The following RAP1GAP2 variants were observed in gnomAD, a reference collection of about 807,000 sequenced individuals.
RAP1GAP2 encodes RAP1 GTPase activating protein 2.
Under a neutral mutation model 95.0 loss-of-function variants are expected in RAP1GAP2, and 27 were observed. The ratio of observed to expected loss-of-function variants is 0.28; its 90% CI spans 0.21 to 0.39. The LOEUF (loss-of-function observed/expected upper bound fraction) is 0.39. RAP1GAP2 is among the 10% of genes least tolerant of loss of function. The probability of loss-of-function intolerance (pLI) is 1.00; values close to 1 mark genes in which losing one functional copy is unlikely to be tolerated. For missense variants in RAP1GAP2, 771 were observed against 970.0 expected, an observed-to-expected ratio of 0.79 and a Z score of 2.72; for synonymous variants, 373 against 380.9, an observed-to-expected ratio of 0.98 and a Z score of 0.24.
At chr17:2,949,843 A>G (rs2043848631) in intron 3 of RAP1GAP2, among the ~76,000 whole-genome samples, 1 of 152,144 alleles carries the variant, frequency 6.6e-6, no homozygotes, top group Non-Finnish European at 1.5e-5. Context: ...GTCCCATTGG[A>G]AAGTGCAGCA....
At chr17:2,933,822 TG>T (rs201459483) in intron 3 of RAP1GAP2, among the ~76,000 whole-genome samples, 1 of 152,244 alleles carries the variant, frequency 6.6e-6, no homozygotes. Context: ...GGGGGAAGAC[TG>T]GAAGTTTCAG....
intron 2 of RAP1GAP2, among the ~76,000 whole-genome samples, chr17:2,874,245 C>T (rs534784262): frequency 1.3e-5 from 2 of 152,320 alleles, no homozygotes; most frequent in Admixed American, 1.3e-4. Context: ...CACCCTCCCT[C>T]CCCTTTCTCC....
At chr17:2,759,507 A>G (rs1238861418) in intron 1 of RAP1GAP2, among the ~76,000 whole-genome samples, 2 of 151,982 alleles carry the variant, frequency 1.3e-5, no homozygotes, top group African/African-American at 2.4e-5. Flanking sequence ...CTGGAGTGCA[A>G]TGGTACAACC....
rs1408872879 is a variant in RAP1GAP2, at chr17:2,857,591, G to A, written c.81-47693G>A. ...CAGGGTTTCTGGCACATGGGATCCTGTAAAAGCAGTGGCGTGTCTGAGAGG... is the reference window on the plus strand; with the variant it reads ...CAGGGTTTCTGGCACATGGGATCCTATAAAAGCAGTGGCGTGTCTGAGAGG... On this transcript the variant is annotated intron_variant, in intron 2 of 24. Coordinates refer to ENST00000254695, the MANE Select transcript of RAP1GAP2 (RefSeq NM_015085.5). The surrounding 1 kb of genome is among the most constrained non-coding windows in gnomAD (Gnocchi z 4.0). Among the ~76,000 whole-genome samples the A allele has an allele frequency of 3.9e-5, 6 of 152,194 alleles. No homozygotes were observed. Among genetic ancestry groups the A allele is most frequent in the Admixed American group, 3.9e-4 (6 of 15,286 alleles).
chr17:2,758,013 G>T (rs1306264512), intron 1 of RAP1GAP2, among the ~76,000 whole-genome samples: 1 of 151,916 alleles, frequency 6.6e-6, no homozygotes, highest in Non-Finnish European at 1.5e-5. Flanking sequence ...GGGACTACAG[G>T]TGCCCGCCAC....
rs897589056 is a variant in RAP1GAP2, at chr17:2,904,281, G to A, written c.81-1003G>A. Among the ~76,000 whole-genome samples the A allele has an allele frequency of 1.3e-5, 2 of 152,124 alleles. No individual in the cohort carries two copies. Among genetic ancestry groups the A allele is most frequent in the African/African-American group, 2.4e-5 (1 of 41,436 alleles). ...CTGTTGTGCAGCCGTGGCTCTGAAGGCTGATCCCATGCCAAACCGTCTGCT... is the reference window on the plus strand; with the variant it reads ...CTGTTGTGCAGCCGTGGCTCTGAAGACTGATCCCATGCCAAACCGTCTGCT... On this transcript the variant is annotated intron_variant, in intron 2 of 24. Transcript: ENST00000254695. The surrounding 1 kb of genome is among the most constrained non-coding windows in gnomAD (Gnocchi z 4.7).
chr17:2,964,074 G>C lies in RAP1GAP2; in HGVS notation c.492+6G>C. On this transcript the variant is annotated splice_donor_region_variant and intron_variant, in intron 7 of 24. Coordinates refer to ENST00000254695, the MANE Select transcript of RAP1GAP2 (RefSeq NM_015085.5). ...GGAGGCACTTCCTGGGGAAGGTGAG[G>C]CTGGGGGAGAGGAGCTGCTGGGGGT... 1 of 1,606,678 alleles carries C rather than the reference G, an allele frequency of 6.2e-7. No homozygotes were observed. The highest frequency in any genetic ancestry group is 1.1e-5 in the South Asian group (1 of 90,492).
intron 5 of RAP1GAP2, chr17:2,962,995 G>A: frequency 1.8e-6 from 1 of 546,370 alleles, no homozygotes; most frequent in Non-Finnish European, 3.2e-6. Context: ...TCCCTACCCT[G>A]TGCAGTGTGT....
At chr17:2,932,688 C>A (rs1038165294) in intron 3 of RAP1GAP2, among the ~76,000 whole-genome samples, 3 of 149,496 alleles carry the variant, frequency 2.0e-5, no homozygotes, top group Non-Finnish European at 3.0e-5. Context: ...TGGTGGCGGG[C>A]GCCTGTAATC....
chr17:2,800,677 C>A, intron 2 of RAP1GAP2, 127 bp downstream of exon 2: 2 of 1,005,728 alleles, frequency 2.0e-6, no homozygotes, highest in Non-Finnish European at 3.0e-6. Context: ...CAGTCCGAGT[C>A]CATGGTGCTT....
intron 4 of RAP1GAP2, among the ~76,000 whole-genome samples, chr17:2,960,867 A>G (rs2151480507): frequency 6.6e-6 from 1 of 152,258 alleles, no homozygotes; most frequent in Admixed American, 6.5e-5. Context: ...AGTCTTGGAA[A>G]CACCACGTGT....
chr17:3,011,455 T>A (rs2046540454), intron 17 of RAP1GAP2, among the ~76,000 whole-genome samples: 1 of 150,262 alleles, frequency 6.7e-6, no homozygotes, highest in African/African-American at 2.5e-5. Context: ...AGTTTTGGTA[T>A]TTTTTTTTCC....
At chr17:2,776,650 G>C (rs952348308), upstream of RAP1GAP2, among the ~76,000 whole-genome samples, 11 of 151,274 alleles carry the variant, frequency 7.3e-5, no homozygotes, top group Admixed American at 5.9e-4. Context: ...GCGGGAGCAC[G>C]AGGACCCCGG....
Position 3,018,106 on chromosome 17 carries a change from G to T in RAP1GAP2, c.1540G>T (p.Gly514Cys). 3 of 1,591,596 alleles carry T rather than the reference G, an allele frequency of 1.9e-6. No homozygotes were observed. The highest frequency in any genetic ancestry group is 1.7e-4 in the Middle Eastern group (1 of 6,020). ...RSHSMETMVG[G>C]QKKSHSGGIP... ...CCACTCCATGGAGACCATGGTGGGC[G>T]GCCAGAAGAAGTCGCACAGTGGGGG... is the stretch of plus-strand genomic sequence containing the variant. The change falls in exon 18 of 25, where the codon GGC becomes TGC. Residue 514 changes from glycine (G) to cysteine (C), a missense_variant. Gly to Cys is a radical substitution (Grantham distance 159). Coordinates refer to ENST00000254695, the MANE Select transcript of RAP1GAP2 (RefSeq NM_015085.5).
rs141112860 is a variant in RAP1GAP2 at position 2,893,310 on chromosome 17, G to C, written c.81-11974G>C. Among the ~76,000 whole-genome samples the C allele has an allele frequency of 9.6e-3, 1,456 of 152,218 alleles. 23 individuals carry two copies. Among genetic ancestry groups the C allele is most frequent in the African/African-American group, 0.032 (1,329 of 41,524 alleles). On this transcript the variant is annotated intron_variant, in intron 2 of 24. Coordinates refer to ENST00000254695, the MANE Select transcript of RAP1GAP2 (RefSeq NM_015085.5). ...CCTGCCTCAGTCTCCCAAAGTGCTG[G>C]GATTACAGGCGTGAGCCACCGCACC...
chr17:2,839,680 C>T (rs1446439709), intron 2 of RAP1GAP2, among the ~76,000 whole-genome samples: 2 of 152,168 alleles, frequency 1.3e-5, no homozygotes, highest in Non-Finnish European at 2.9e-5. Context: ...GCCCTGACAG[C>T]TTTGAGGCGT....
chr17:2,902,091 G>A lies in RAP1GAP2; in HGVS notation c.81-3193G>A, dbSNP rs989189507. On this transcript the variant is annotated intron_variant, in intron 2 of 24. Transcript: ENST00000254695. This position sits in a 1 kb window ranked among gnomAD's most constrained non-coding sequence, Gnocchi z 4.1. ...AGGCTCTAGGGAAGAATCCTTCCTC[G>A]CCTCTTCTAGCCTCTGGCGGGGTCG... is the stretch of plus-strand genomic sequence containing the variant. 2.6e-5 allele frequency among the ~76,000 whole-genome samples: 4 copies of A among 152,220 alleles called. No homozygotes were observed. The East Asian group carries it at 5.8e-4, about 22-fold the overall frequency.
intron 1 of RAP1GAP2, among the ~76,000 whole-genome samples, chr17:2,779,937 AG>A (rs2068600390): frequency 6.7e-6 from 1 of 149,432 alleles, no homozygotes; most frequent in South Asian, 2.1e-4. Context: ...ACCAAATGGG[AG>A]GGGGATGAGG....
At chr17:2,833,430 C>T (rs2151552238) in intron 2 of RAP1GAP2, among the ~76,000 whole-genome samples, 1 of 152,146 alleles carries the variant, frequency 6.6e-6, no homozygotes. Context: ...AGCCACCGCG[C>T]CTGGCCTGTT....
Sources: allele counts gnomAD v4.1 joint callset (sites outside exome capture counted in the v4.1 genomes callset), GRCh38; gene constraint gnomAD v4.1.1; non-coding constraint Gnocchi (gnomAD v3.1); transcripts MANE v1.5; gene names NCBI Gene and HGNC (gene_info 2026-07-23, HGNC 2026-07-21).